Variants in PLA2G4A observed in about 807,000 individuals in gnomAD.
The protein encoded by PLA2G4A is phospholipase A2 group IVA.
In PLA2G4A, 40 loss-of-function variants were observed where a neutral mutation model predicts 81.9. The ratio of observed to expected loss-of-function variants is 0.49; its 90% CI spans 0.38 to 0.64. PLA2G4A has a LOEUF of 0.64. PLA2G4A is among the 30% of genes least tolerant of loss of function. The probability of loss-of-function intolerance (pLI) is 0.00; values close to 1 mark genes in which losing one functional copy is unlikely to be tolerated. For missense variants in PLA2G4A, 715 were observed against 905.1 expected (o/e 0.79, Z 2.69); for synonymous variants, 302 against 296.9 (o/e 1.02, Z -0.18).
chr1:186,960,525 A>G (rs1656907785), intron 14 of PLA2G4A, among the ~76,000 whole-genome samples: 1 of 152,228 alleles, frequency 6.6e-6, no homozygotes, highest in Non-Finnish European at 1.5e-5. Flanking sequence ...CATTTAATAG[A>G]TGTTATACAG....
In PLA2G4A at chr1:186,923,306, A is replaced by G. The variant is rs1358833402; in HGVS notation, c.559-9457A>G. The stretch of plus-strand genomic sequence containing the variant: ...AATTTATAGCTTCTCTGAAGTTTTT[A>G]GTGTGTGTATGTGTGTTTCTTTTAA... On this transcript the variant is annotated intron_variant, in intron 7 of 17. Transcript: ENST00000367466. 3.3e-5 allele frequency among the ~76,000 whole-genome samples: 5 copies of G among 152,176 alleles called. No individual in the cohort carries two copies. The East Asian group carries it at 9.6e-4, about 29-fold the overall frequency.
intron 17 of PLA2G4A, among the ~76,000 whole-genome samples, chr1:186,982,266 C>CA (rs1275882591): frequency 6.6e-6 from 1 of 152,232 alleles, no homozygotes; most frequent in East Asian, 1.9e-4. Context: ...TCTGGCACAG[C>CA]ATGTACAGAC....
chr1:186,866,511 C>T (rs544046055), intron 2 of PLA2G4A, among the ~76,000 whole-genome samples: 1 of 152,138 alleles, frequency 6.6e-6, no homozygotes, highest in Non-Finnish European at 1.5e-5. Context: ...TATTAAATGA[C>T]AGTTGGTGTC....
In PLA2G4A at chr1:186,857,086, T is replaced by C. The variant is rs1343684965; in HGVS notation, c.33+2699T>C. Among the ~76,000 whole-genome samples the C allele has an allele frequency of 2.3e-4, 2 of 8,748 alleles. 1 individual carries two copies. The highest frequency in any genetic ancestry group is 3.7e-4 in the Non-Finnish European group (2 of 5,430). 5.7% of individuals were successfully genotyped at this position (8,748 alleles called of 152,430 possible). On this transcript the variant is annotated intron_variant, in intron 2 of 17. Coordinates refer to ENST00000367466, the MANE Select transcript of PLA2G4A (RefSeq NM_024420.3). ...GCAGCCCCCACATATATTATACATATATAATATATAATATAATTATATAAT... is the reference window on the plus strand; with the variant it reads ...GCAGCCCCCACATATATTATACATACATAATATATAATATAATTATATAAT...
At chr1:186,869,812 A>G (rs1195584326) in intron 2 of PLA2G4A, among the ~76,000 whole-genome samples, 1 of 152,236 alleles carries the variant, frequency 6.6e-6, no homozygotes, top group African/African-American at 2.4e-5. Flanking sequence ...GAATTGTTTG[A>G]TAACTGTTTC....
At chr1:186,900,868 T>C (rs1042647828) in intron 5 of PLA2G4A, among the ~76,000 whole-genome samples, 6 of 152,208 alleles carry the variant, frequency 3.9e-5, no homozygotes, top group African/African-American at 1.2e-4. Flanking sequence ...AAAATAGCCA[T>C]TCCTCATGGC....
chr1:186,924,747 G>A (rs187796210), intron 7 of PLA2G4A, among the ~76,000 whole-genome samples: 23 of 152,070 alleles, frequency 1.5e-4, no homozygotes, highest in African/African-American at 3.9e-4. Context: ...TGAGAAATAC[G>A]TTTTTCTAGG....
chr1:186,863,848 C>T (rs1358434318), intron 2 of PLA2G4A, among the ~76,000 whole-genome samples: 1 of 151,858 alleles, frequency 6.6e-6, no homozygotes, highest in Non-Finnish European at 1.5e-5. Flanking sequence ...GTAACCTCCG[C>T]CTCCCGGGTT....
chr1:186,848,165 C>G (rs1250922507), intron 1 of PLA2G4A, among the ~76,000 whole-genome samples: 1 of 152,030 alleles, frequency 6.6e-6, no homozygotes, highest in Non-Finnish European at 1.5e-5. Flanking sequence ...TCAGGGAACA[C>G]AAGGAAGAAA....
chr1:186,875,514 C>T (rs1415146162), intron 3 of PLA2G4A, among the ~76,000 whole-genome samples: 1 of 152,040 alleles, frequency 6.6e-6, no homozygotes, highest in Non-Finnish European at 1.5e-5. Context: ...TCAAAAGTCA[C>T]AGTGCTCACT....
intron 7 of PLA2G4A, among the ~76,000 whole-genome samples, chr1:186,912,112 A>C (rs1654965749): frequency 6.6e-6 from 1 of 152,090 alleles, no homozygotes; most frequent in African/African-American, 2.4e-5. Flanking sequence ...GTGGGTCTTT[A>C]CTCAGTGTGC....
At chr1:186,878,064 A>T (rs1653571789) in intron 3 of PLA2G4A, among the ~76,000 whole-genome samples, 1 of 147,872 alleles carries the variant, frequency 6.8e-6, no homozygotes, top group Non-Finnish European at 1.5e-5. Flanking sequence ...GTTGGTCTAT[A>T]CTTTGGCTAA....
intron 17 of PLA2G4A, among the ~76,000 whole-genome samples, chr1:186,983,987 C>G (rs1412332163): frequency 6.6e-6 from 1 of 152,140 alleles, no homozygotes; most frequent in Non-Finnish European, 1.5e-5. Context: ...TAAATTGAAG[C>G]AGCTAATATA....
At chr1:186,849,605 A>ACTGC (rs1652302389) in intron 1 of PLA2G4A, among the ~76,000 whole-genome samples, 1 of 152,028 alleles carries the variant, frequency 6.6e-6, no homozygotes, top group South Asian at 2.1e-4. Context: ...AGTTCCTCAT[A>ACTGC]CTGCCTGCCT....
At position 186,965,343 on chromosome 1, in the gene PLA2G4A, T is replaced by G. The variant is rs192763035; in HGVS notation, c.1580-66T>G. 2.0e-5 allele frequency: 25 copies of G among 1,232,410 alleles called. No homozygotes were observed. The Admixed American group carries it at 3.1e-4, about 15-fold the overall frequency. The allele number at this position is 1,232,410 out of a possible 1,614,324, so 76.3% of individuals were successfully genotyped here. The stretch of plus-strand genomic sequence containing the variant: ...ATTCTTTCAAATTTGAAACCAACAT[T>G]TTTAGATGATAAATACTGATGAATG... On this transcript the variant is annotated intron_variant, in intron 14 of 17. Transcript: ENST00000367466.
intron 14 of PLA2G4A, among the ~76,000 whole-genome samples, chr1:186,963,378 A>AT (rs977045271): frequency 9.2e-5 from 14 of 152,154 alleles, no homozygotes; most frequent in Admixed American, 2.6e-4. Flanking sequence ...ATTTTGGCTG[A>AT]TGGCAAAGTG....
intron 3 of PLA2G4A, among the ~76,000 whole-genome samples, chr1:186,873,605 A>T (rs2102065223): frequency 6.6e-6 from 1 of 152,166 alleles, no homozygotes; most frequent in East Asian, 1.9e-4. Context: ...TAAAATATTC[A>T]TATCTCCTTT....
rs577639985 is a variant in PLA2G4A at position 186,977,792 on chromosome 1, A to T, written c.1960+4A>T. The T allele has an allele frequency of 6.3e-6, 10 of 1,576,294 alleles. No individual in the cohort carries two copies. The highest frequency in any genetic ancestry group is 1.1e-5 in the South Asian group (1 of 90,348). On this transcript the variant is annotated splice_donor_region_variant and intron_variant, in intron 16 of 17. Transcript: ENST00000367466. ...TTCAGAAAGTACAGGGCTCCAGGTA[A>T]GTAGGGAGTAAGCTGTATTCCATAA...
chr1:186,919,069 A>G (rs982310552), intron 7 of PLA2G4A, among the ~76,000 whole-genome samples: 2 of 152,198 alleles, frequency 1.3e-5, no homozygotes, highest in Admixed American at 6.5e-5. Flanking sequence ...TCTGACACAT[A>G]GAGTGTAAAG....
Sources: allele counts gnomAD v4.1 joint callset (sites outside exome capture counted in the v4.1 genomes callset), GRCh38; gene constraint gnomAD v4.1.1; transcripts MANE v1.5; gene names NCBI Gene and HGNC (gene_info 2026-07-23, HGNC 2026-07-21).